Variants in EPHA5 observed in about 807,000 individuals in gnomAD.
The protein encoded by EPHA5 is EPH receptor A5, also known as ephrin type-A receptor 5.
Under a neutral mutation model 105.0 loss-of-function variants are expected in EPHA5, and 60 were observed. The ratio of observed to expected loss-of-function variants is 0.57; its 90% CI spans 0.46 to 0.71. The LOEUF is 0.71. Ranked by LOEUF, EPHA5 falls within the 30% of genes least tolerant of loss-of-function variation. EPHA5 has a pLI of 0.00. For synonymous variants in EPHA5, 513 were observed against 449.1 expected (o/e 1.14, Z -1.80); for missense variants, 1,218 against 1,274.7 (o/e 0.96, Z 0.68).
At chr4:65,545,947 G>T (rs1314349404) in intron 3 of EPHA5, among the ~76,000 whole-genome samples, 2 of 151,902 alleles carry the variant, frequency 1.3e-5, no homozygotes, top group Non-Finnish European at 2.9e-5. Context: ...ACTATACTCA[G>T]TGGTTTGTAA....
chr4:65,355,774 G>A (rs1160724275), intron 11 of EPHA5, among the ~76,000 whole-genome samples: 1 of 151,534 alleles, frequency 6.6e-6, no homozygotes, highest in East Asian at 1.9e-4. Context: ...CTCACATAAA[G>A]GGGACACATG....
At chr4:65,611,740 C>T (rs535297124) in intron 2 of EPHA5, among the ~76,000 whole-genome samples, 8 of 151,910 alleles carry the variant, frequency 5.3e-5, no homozygotes, top group African/African-American at 1.7e-4. Context: ...TAATGATGTT[C>T]TTGTAATCAG....
At chr4:65,570,460 C>G (rs1470509684) in intron 3 of EPHA5, among the ~76,000 whole-genome samples, 5 of 151,458 alleles carry the variant, frequency 3.3e-5, no homozygotes, top group Admixed American at 1.3e-4. Context: ...CCACCTCCCC[C>G]CACTCTACCC....
At chr4:65,364,435 C>A (rs1419395441) in intron 11 of EPHA5, among the ~76,000 whole-genome samples, 3 of 151,584 alleles carry the variant, frequency 2.0e-5, no homozygotes, top group Admixed American at 6.6e-5. Flanking sequence ...AACATTAACA[C>A]AAATTAAAAG....
intron 3 of EPHA5, among the ~76,000 whole-genome samples, chr4:65,558,993 C>T (rs1374053496): frequency 6.6e-6 from 1 of 152,064 alleles, no homozygotes; most frequent in Non-Finnish European, 1.5e-5. Flanking sequence ...ATCCCAAACT[C>T]CAGCAGCACA....
At chr4:65,386,906 A>G (rs1337349015) in intron 8 of EPHA5, among the ~76,000 whole-genome samples, 1 of 151,912 alleles carries the variant, frequency 6.6e-6, no homozygotes, top group Non-Finnish European at 1.5e-5. Context: ...GCTTAGTGAG[A>G]AATTAGGGCA....
intron 3 of EPHA5, among the ~76,000 whole-genome samples, chr4:65,589,771 C>A (rs1458126010): frequency 6.6e-6 from 1 of 152,078 alleles, no homozygotes; most frequent in Non-Finnish European, 1.5e-5. Context: ...ATTAAAAAAT[C>A]ATCCACAGGA....
At chr4:65,647,533 A>G (rs1444610193) in intron 1 of EPHA5, among the ~76,000 whole-genome samples, 1 of 152,048 alleles carries the variant, frequency 6.6e-6, no homozygotes, top group Non-Finnish European at 1.5e-5. Context: ...AATTGCAATG[A>G]ATACATGAGT....
At chr4:65,532,395 T>C (rs1322690082) in intron 3 of EPHA5, among the ~76,000 whole-genome samples, 1 of 151,920 alleles carries the variant, frequency 6.6e-6, no homozygotes, top group East Asian at 1.9e-4. Flanking sequence ...TTATAATCTC[T>C]AGTTCAGACA....
chr4:65,505,675 T>A (rs1015021056), intron 3 of EPHA5, among the ~76,000 whole-genome samples: 2 of 152,042 alleles, frequency 1.3e-5, no homozygotes, highest in Admixed American at 1.3e-4. Context: ...CTTGCAAATT[T>A]TTCAACATAT....
At chr4:65,530,396 A>G (rs1265464616) in intron 3 of EPHA5, among the ~76,000 whole-genome samples, 3 of 132,832 alleles carry the variant, frequency 2.3e-5, no homozygotes, top group Non-Finnish European at 3.2e-5. Context: ...GTATATATGT[A>G]TGTAAACAGG....
intron 3 of EPHA5, among the ~76,000 whole-genome samples, chr4:65,571,744 T>G (rs1241615480): frequency 6.6e-6 from 1 of 152,152 alleles, no homozygotes; most frequent in East Asian, 1.9e-4. Flanking sequence ...TTTTTGTGGG[T>G]TTTTATTTAG....
At chr4:65,422,998 C>A (rs994797897) in intron 5 of EPHA5, among the ~76,000 whole-genome samples, 15 of 151,858 alleles carry the variant, frequency 9.9e-5, no homozygotes, top group African/African-American at 3.6e-4. Context: ...TGTCCTTTTT[C>A]TGTCCTGAGA....
chr4:65,382,229 A>G (rs1719630800), intron 8 of EPHA5, among the ~76,000 whole-genome samples: 1 of 151,844 alleles, frequency 6.6e-6, no homozygotes, highest in Non-Finnish European at 1.5e-5. Context: ...TAGAAATATC[A>G]AACTAAATGA....
At chr4:65,550,497 A>T (rs1212621465) in intron 3 of EPHA5, among the ~76,000 whole-genome samples, 1 of 152,078 alleles carries the variant, frequency 6.6e-6, no homozygotes, top group East Asian at 1.9e-4. Flanking sequence ...AGTAGCTTTT[A>T]TTTTTCTGCC....
At chr4:65,489,410 T>G (rs767067762) in intron 5 of EPHA5, among the ~76,000 whole-genome samples, 1 of 152,162 alleles carries the variant, frequency 6.6e-6, no homozygotes, top group African/African-American at 2.4e-5. Context: ...TGAGTACTGG[T>G]GGCAAGGATG....
chr4:65,454,014 C>T (rs548433534), intron 5 of EPHA5, among the ~76,000 whole-genome samples: 3 of 152,236 alleles, frequency 2.0e-5, no homozygotes, highest in Middle Eastern at 3.4e-3. Flanking sequence ...GGCACGGTGG[C>T]TCACGCCTGT....
intron 2 of EPHA5, among the ~76,000 whole-genome samples, chr4:65,622,055 T>C (rs1189407577): frequency 6.6e-6 from 1 of 152,148 alleles, no homozygotes. Flanking sequence ...CTTCGAAGAG[T>C]ATTTTAAGTT....
intron 3 of EPHA5, among the ~76,000 whole-genome samples, chr4:65,580,289 A>G (rs1741486130): frequency 1.3e-5 from 2 of 151,898 alleles, no homozygotes; most frequent in South Asian, 2.1e-4. Context: ...ATTAATACAA[A>G]CAAACCTACA....
Sources: allele counts gnomAD v4.1 joint callset (sites outside exome capture counted in the v4.1 genomes callset), GRCh38; gene constraint gnomAD v4.1.1; transcripts MANE v1.5; gene names NCBI Gene and HGNC (gene_info 2026-07-23, HGNC 2026-07-21).